TMEM273: variants seen among roughly 807,000 people sequenced by gnomAD.
The protein encoded by TMEM273 is transmembrane protein 273, also known as chromosome 10 open reading frame 128.
Under a neutral mutation model 17.9 loss-of-function variants are expected in TMEM273, and 19 were observed. The ratio of observed to expected loss-of-function variants is 1.06; its 90% CI spans 0.74 to 1.55. The LOEUF is 1.55. Ranked by LOEUF, TMEM273 falls within the 40% of genes most tolerant of loss-of-function variation. The probability of loss-of-function intolerance (pLI) is 0.00; values close to 1 mark genes in which losing one functional copy is unlikely to be tolerated. For synonymous variants in TMEM273, 66 were observed against 62.0 expected, an observed-to-expected ratio of 1.07 and a Z score of -0.31; for missense variants, 194 against 155.6, an observed-to-expected ratio of 1.25 and a Z score of -1.31.
chr10:49,165,938 G>A (rs1846151276), intron 3 of TMEM273, 142 bp from the exon 4 acceptor site: 2 of 1,043,022 alleles, frequency 1.9e-6, no homozygotes, highest in Non-Finnish European at 2.8e-6. Context: ...GCTATGTGAT[G>A]AAGAGGCTGT....
At chr10:49,168,415 C>A (rs889339163) in intron 1 of TMEM273, among the ~76,000 whole-genome samples, 5 of 152,172 alleles carry the variant, frequency 3.3e-5, no homozygotes, top group African/African-American at 1.2e-4. Context: ...ACTCCCCAGA[C>A]CTGGGTGAGC....
At position 49,188,282 on chromosome 10, in the gene TMEM273, G is replaced by A. The variant is rs779940052; in HGVS notation, c.43+12C>T. ...CTCCCCCGGGCCAGAGACCCCCGCA[G>A]TCCCCACTTACCCAGGAGGAAGAGG... is the stretch of plus-strand genomic sequence containing the variant. On this transcript the variant is annotated intron_variant, in intron 1 of 6. Coordinates refer to ENST00000374153, the MANE Select transcript of TMEM273 (RefSeq NM_001288740.3). 6.2e-7 allele frequency: 1 copy of A among 1,614,112 alleles called. No homozygotes were observed. The highest frequency in any genetic ancestry group is 8.5e-7 in the Non-Finnish European group (1 of 1,179,978).
intron 1 of TMEM273, among the ~76,000 whole-genome samples, chr10:49,174,450 G>C (rs2132221207): frequency 6.6e-6 from 1 of 152,334 alleles, no homozygotes; most frequent in Admixed American, 6.5e-5. Context: ...TCTTGCCGGA[G>C]TCTAGACACT....
chr10:49,188,244 C>T (rs764924403), intron 1 of TMEM273, 50 bp downstream of exon 1: 1 of 1,606,452 alleles, frequency 6.2e-7, no homozygotes, highest in South Asian at 1.1e-5. Flanking sequence ...CCCCAGTTTC[C>T]TGCCCACTGA....
chr10:49,167,757 G>T, intron 2 of TMEM273, 152 bp downstream of exon 2: 1 of 922,890 alleles, frequency 1.1e-6, no homozygotes, highest in Non-Finnish European at 1.7e-6. Context: ...AAAGCTGTCA[G>T]CTGCTCTGGG....
At chr10:49,185,890 A>C (rs2132304754) in intron 1 of TMEM273, among the ~76,000 whole-genome samples, 1 of 151,918 alleles carries the variant, frequency 6.6e-6, no homozygotes. Flanking sequence ...AGGCAGGTGA[A>C]TTGCTTGAAC....
intron 1 of TMEM273, chr10:49,178,488 A>G (rs1313250599): frequency 2.9e-6 from 1 of 343,010 alleles, no homozygotes; most frequent in Non-Finnish European, 5.8e-6. Context: ...CATGCAAAAC[A>G]GATGACATGT....
intron 5 of TMEM273, among the ~76,000 whole-genome samples, chr10:49,163,855 A>G (rs1276536439): frequency 6.6e-6 from 1 of 152,208 alleles, no homozygotes; most frequent in Non-Finnish European, 1.5e-5. Context: ...GAACTTCTCA[A>G]GAAAATCCAT....
At chr10:49,159,669 A>G (rs1845718376) in intron 6 of TMEM273, among the ~76,000 whole-genome samples, 1 of 152,140 alleles carries the variant, frequency 6.6e-6, no homozygotes, top group Non-Finnish European at 1.5e-5. Context: ...TTAGTTTCTA[A>G]AAATGATTCC....
At position 49,170,909 on chromosome 10, in the gene TMEM273, T is replaced by A. The variant is rs565571772; in HGVS notation, c.44-2947A>T. Among the ~76,000 whole-genome samples, 10 of 152,350 alleles carry A rather than the reference T, an allele frequency of 6.6e-5. No individual in the cohort carries two copies. The East Asian group carries it at 1.9e-3, about 29-fold the overall frequency. On this transcript the variant is annotated intron_variant, in intron 1 of 6. Transcript: ENST00000374153. ...TAGACCCCCTGCAAGCCTCCAGCAC[T>A]GGCTGATGTCCCCTGGCTCTGCAAA...
intron 6 of TMEM273, among the ~76,000 whole-genome samples, chr10:49,159,791 C>G (rs1845731254): frequency 6.6e-6 from 1 of 152,032 alleles, no homozygotes; most frequent in African/African-American, 2.4e-5. Flanking sequence ...TTGTGCTACC[C>G]TTGGGAGCAG....
intron 1 of TMEM273, among the ~76,000 whole-genome samples, chr10:49,186,889 A>G (rs1233992128): frequency 6.6e-6 from 1 of 152,228 alleles, no homozygotes; most frequent in Admixed American, 6.5e-5. Flanking sequence ...GAGCTCATGT[A>G]ACATCTTCAG....
intron 2 of TMEM273, 131 bp from the exon 3 acceptor site, chr10:49,167,140 TCTA>T (rs1846247631): frequency 6.3e-6 from 8 of 1,268,536 alleles, no homozygotes; most frequent in Non-Finnish European, 8.7e-6. Context: ...AGCCTCACCT[TCTA>T]CTCTCCCATG....
intron 6 of TMEM273, among the ~76,000 whole-genome samples, chr10:49,158,188 GA>G (rs1346306623): frequency 1.3e-5 from 2 of 151,912 alleles, no homozygotes; most frequent in Admixed American, 6.5e-5. Flanking sequence ...AATTTTTTAT[GA>G]AAAAATTATC....
intron 6 of TMEM273, 99 bp downstream of exon 6, chr10:49,161,500 G>T: frequency 6.6e-7 from 1 of 1,509,140 alleles, no homozygotes. Flanking sequence ...GTCCCACGTG[G>T]CCAGGGGAGG....
chr10:49,184,127 ACTGATGT>A (rs1318756450), intron 1 of TMEM273, among the ~76,000 whole-genome samples: 2 of 152,258 alleles, frequency 1.3e-5, no homozygotes, highest in Non-Finnish European at 2.9e-5. Flanking sequence ...TATTGCAACA[ACTGATGT>A]CCCATACAGA....
chr10:49,169,726 C>A (rs1846429239), intron 1 of TMEM273, among the ~76,000 whole-genome samples: 1 of 152,078 alleles, frequency 6.6e-6, no homozygotes, highest in South Asian at 2.1e-4. Flanking sequence ...TTTTTTAAGT[C>A]AATCTTGCTG....
intron 1 of TMEM273, among the ~76,000 whole-genome samples, chr10:49,178,988 A>G (rs981808385): frequency 2.0e-5 from 3 of 152,198 alleles, no homozygotes; most frequent in African/African-American, 7.2e-5. Flanking sequence ...CTTCTCGATA[A>G]CATGGCCAAA....
At position 49,155,852 on chromosome 10, in the gene TMEM273, G is replaced by A. The variant is rs536631405; in HGVS notation, c.*40C>T. On this transcript the variant is annotated 3_prime_UTR_variant, in exon 7 of 7. Transcript: ENST00000374153. Reference sequence around the variant, plus strand: ...ATGTTAACCATGGGCTGTTTTCCACGGGGCTAGAACCCCTCTTCACGTCAC... The same window carrying A: ...ATGTTAACCATGGGCTGTTTTCCACAGGGCTAGAACCCCTCTTCACGTCAC... The A allele has an allele frequency of 2.2e-4, 362 of 1,614,034 alleles. 3 individuals are homozygous for A. The South Asian group carries it at 3.7e-3, about 16-fold the overall frequency.
Sources: gnomAD v4.1 joint callset for allele counts (sites outside exome capture counted in the v4.1 genomes callset) on GRCh38, gnomAD v4.1.1 for gene constraint, MANE v1.5 for transcripts, NCBI Gene and HGNC (gene_info 2026-07-23, HGNC 2026-07-21) for gene names.